The following PRX variants were observed in gnomAD, a reference collection of about 807,000 sequenced individuals.
PRX encodes the protein periaxin.
In PRX, 24 loss-of-function variants were observed where a neutral mutation model predicts 29.6. That is an observed-to-expected ratio of 0.81 (90% CI 0.59 to 1.14). The LOEUF (loss-of-function observed/expected upper bound fraction) is 1.14. Among genes scored for constraint, PRX ranks in the 50% most tolerant of loss-of-function variants. The pLI is 0.00. For missense variants in PRX, 1,838 were observed against 1,926.4 expected (o/e 0.95, Z 0.86); for synonymous variants, 772 against 831.7 (o/e 0.93, Z 1.24).
Position 40,396,375 on chromosome 19 carries a change from G to T in PRX, c.1977C>A (p.Leu659=), listed in dbSNP as rs774096350. Residue 659 remains leucine (L), a synonymous_variant, in exon 7 of 7, where the codon CTC becomes CTA. Transcript: ENST00000324001. ...VPDVHLPEVQ[L]PKVPEMKLPK... Reference sequence around the variant, plus strand: ...GGAGTTTCATCTCTGGGACTTTCGGGAGCTGCACTTCCGGGAGGTGCACAT... The same window carrying T: ...GGAGTTTCATCTCTGGGACTTTCGGTAGCTGCACTTCCGGGAGGTGCACAT... The T allele has an allele frequency of 6.3e-7, 1 of 1,584,186 alleles. No homozygotes were observed. Among genetic ancestry groups the T allele is most frequent in the Non-Finnish European group, 8.6e-7 (1 of 1,169,306 alleles).
rs779565946 is a variant in PRX, at chr19:40,394,344, C to T, written c.4008G>A (p.Val1336=). 7 of 1,606,374 alleles carry T rather than the reference C, an allele frequency of 4.4e-6. No individual in the cohort carries two copies. The highest frequency in any genetic ancestry group is 2.3e-5 in the East Asian group (1 of 44,414). Residue 1336 remains valine (V), a synonymous_variant, in exon 7 of 7, where the codon GTG becomes GTA. Coordinates refer to ENST00000324001, the MANE Select transcript of PRX (RefSeq NM_181882.3). This position sits in a 1 kb window ranked among gnomAD's most constrained non-coding sequence, Gnocchi z 5.8. ...TGACCATCTCACTTTGGCTGAAGCC[C>T]ACTCGGGGCAGCCTGAGTTTGGGGC... is the stretch of plus-strand genomic sequence containing the variant. ...AKSPKLRLPR[V]GFSQSEMVTG...
Position 40,394,316 on chromosome 19 carries a change from C to G in PRX, c.4036G>C (p.Gly1346Arg), listed in dbSNP as rs2079407936. 1.9e-6 allele frequency: 3 copies of G among 1,610,310 alleles called. No homozygotes were observed. The highest frequency in any genetic ancestry group is 4.5e-5 in the East Asian group (2 of 44,672). The change falls in exon 7 of 7, where the codon GGG (glycine) becomes CGG (arginine). Residue 1346 changes from glycine to arginine, a missense_variant. Coordinates refer to ENST00000324001, the MANE Select transcript of PRX (RefSeq NM_181882.3). The surrounding 1 kb of genome is among the most constrained non-coding windows in gnomAD (Gnocchi z 5.8). Reference protein sequence around the residue: ...VGFSQSEMVTGEGSPSPEEEE... With the variant: ...VGFSQSEMVTREGSPSPEEEE... ...TCCTCGGGGCTGGGGGACCCTTCCCCAGTGACCATCTCACTTTGGCTGAAG... is the reference window on the plus strand; with the variant it reads ...TCCTCGGGGCTGGGGGACCCTTCCCGAGTGACCATCTCACTTTGGCTGAAG...
Position 40,397,803 on chromosome 19 carries a change from A to G in PRX, c.549T>C (p.Pro183=), listed in dbSNP as rs992264738. ...GAGGCAGCTGGAGGCGCCGGCGGGC[A>G]GGGGCAGCCGGGACAGGACCCTTGA... ...EAVKGPVPAA[P]ARRRLQLPRL... Residue 183 remains proline, a synonymous_variant, in exon 7 of 7, where the codon CCT becomes CCC. Coordinates refer to ENST00000324001, the MANE Select transcript of PRX (RefSeq NM_181882.3). 1.3e-6 allele frequency: 2 copies of G among 1,581,882 alleles called. No homozygotes were observed. The highest frequency in any genetic ancestry group is 1.7e-6 in the Non-Finnish European group (2 of 1,164,826).
chr19:40,404,292 CG>C (rs1293334812), intron 4 of PRX, among the ~76,000 whole-genome samples: 1 of 151,922 alleles, frequency 6.6e-6, no homozygotes, highest in Non-Finnish European at 1.5e-5. Context: ...GAGCGGCAGC[CG>C]AAAGGGGTTA....
At chr19:40,414,064 A>AC (rs1368116693), upstream of PRX, among the ~76,000 whole-genome samples, 1 of 152,158 alleles carries the variant, frequency 6.6e-6, no homozygotes, top group Non-Finnish European at 1.5e-5. Context: ...CATACTAAGT[A>AC]CCATGCTCAG....
chr19:40,409,629 C>T (rs1237537148), intron 1 of PRX, among the ~76,000 whole-genome samples: 4 of 152,010 alleles, frequency 2.6e-5, no homozygotes, highest in East Asian at 1.9e-4. Context: ...CCCACCACCA[C>T]GCCTGGCTAC....
Position 40,398,816 on chromosome 19 carries a change from C to G in PRX, c.185G>C (p.Gly62Ala). 6.2e-7 allele frequency: 1 copy of G among 1,613,990 alleles called. No homozygotes were observed. Residue 62 changes from glycine to alanine, a missense_variant and splice_region_variant, in exon 6 of 7, where the codon GGG becomes GCG. Gly to Ala is a moderately conservative substitution (Grantham distance 60). Coordinates refer to ENST00000324001, the MANE Select transcript of PRX (RefSeq NM_181882.3). The surrounding 1 kb of genome is among the most constrained non-coding windows in gnomAD (Gnocchi z 6.3). The part of the protein sequence containing the change: ...PAARSLSLQE[G>A]DQLLSARVFF... ...CACTCGGGCACTCAGCAGCTGGTCC[C>G]CTGCGGGCGAGGTGGAGGTGCGCAG... is the stretch of plus-strand genomic sequence containing the variant.
At chr19:40,399,853 T>TTCTC (rs1162367595) in intron 5 of PRX, among the ~76,000 whole-genome samples, 45 of 60,586 alleles carry the variant, frequency 7.4e-4, no homozygotes, top group Non-Finnish European at 1.1e-3. Flanking sequence ...TTTCTTTCCT[T>TTCTC]TCTTTCTTTC....
chr19:40,401,836 C>T (rs1369373423), intron 5 of PRX, among the ~76,000 whole-genome samples: 1 of 150,702 alleles, frequency 6.6e-6, no homozygotes, highest in African/African-American at 2.4e-5. Context: ...GGCGCGAACT[C>T]GGCTTACTGC....
At chr19:40,400,210 G>A (rs1263200964) in intron 5 of PRX, among the ~76,000 whole-genome samples, 4 of 143,692 alleles carry the variant, frequency 2.8e-5, no homozygotes, top group Non-Finnish European at 6.0e-5. Flanking sequence ...TCGAACTCCC[G>A]ACGTCAGGTG....
chr19:40,403,985 G>A, intron 4 of PRX, 123 bp from the exon 5 acceptor site: 1 of 1,172,348 alleles, frequency 8.5e-7, no homozygotes, highest in Non-Finnish European at 1.2e-6. Context: ...AGACGGGGGT[G>A]GGGGACGGTC....
Position 40,397,567 on chromosome 19 carries a change from G to T in PRX, c.785C>A (p.Ala262Glu). ...CAGGTGGAGGGCAAAGCCACCAGCT[G>T]CCTCTGCTGAGGGGGCAGCCTTGGG... The part of the protein sequence containing the change: ...SAPKAAPSAE[A>E]AGGFALHLPT... The change falls in exon 7 of 7, where the codon GCA (alanine) becomes GAA (glutamate). Residue 262 changes from alanine to glutamate, a missense_variant. Physicochemically the swap from Ala to Glu is moderately radical, Grantham distance 107. Around this residue, in one of 3 missense-constraint regions of PRX, gnomAD observed 666 missense variants for 665.0 expected, o/e 1.00. Transcript: ENST00000324001. 1 of 1,541,170 alleles carries T rather than the reference G, an allele frequency of 6.5e-7. No individual in the cohort carries two copies.
upstream of PRX, among the ~76,000 whole-genome samples, chr19:40,414,635 A>G (rs945108531): frequency 6.6e-6 from 1 of 152,210 alleles, no homozygotes; most frequent in South Asian, 2.1e-4. Flanking sequence ...CTCCCAAGCC[A>G]AAGCTACCAG....
chr19:40,394,002 C>A lies in PRX; in HGVS notation c.4350G>T (p.Pro1450=). The A allele has an allele frequency of 1.2e-6, 2 of 1,613,494 alleles. No homozygotes were observed. The change falls in exon 7 of 7, where the codon CCG becomes CCT. Residue 1450 remains proline, a synonymous_variant. Transcript: ENST00000324001. This position sits in a 1 kb window ranked among gnomAD's most constrained non-coding sequence, Gnocchi z 5.8. ...VGFSETGAPG[P]ARMEGAQAAA... ...CAGCCTGAGCCCCCTCCATCCTGGCCGGGCCTGGAGCCCCTGTCTCTGAAA... is the reference window on the plus strand; with the variant it reads ...CAGCCTGAGCCCCCTCCATCCTGGCAGGGCCTGGAGCCCCTGTCTCTGAAA...
chr19:40,412,981 C>T (rs1013685411), intron 1 of PRX, among the ~76,000 whole-genome samples: 2 of 152,172 alleles, frequency 1.3e-5, no homozygotes, highest in African/African-American at 4.8e-5. Context: ...GCCGCCTCAG[C>T]CTCCCAAAGT....
chr19:40,403,943 T>A, intron 4 of PRX, 81 bp from the exon 5 acceptor site: 2 of 1,451,228 alleles, frequency 1.4e-6, no homozygotes, highest in African/African-American at 1.4e-5. Flanking sequence ...CAACAGTGGC[T>A]CATATACATA....
chr19:40,406,577 C>T (rs773514683), intron 4 of PRX, among the ~76,000 whole-genome samples: 4 of 152,036 alleles, frequency 2.6e-5, no homozygotes, highest in Non-Finnish European at 5.9e-5. Context: ...CTGCCTCTCG[C>T]CCCCAGTAGC....
Position 40,409,565 on chromosome 19 carries a change from T to C in PRX, c.-242-1182A>G, listed in dbSNP as rs1457271470. On this transcript the variant is annotated intron_variant, in intron 1 of 6. Transcript: ENST00000324001. Reference sequence around the variant, plus strand: ...TCGGCTTACTACAACCTCTGCCTCCTGGGTTCAAGTGATTCTCCTGCCTCA... The same window carrying C: ...TCGGCTTACTACAACCTCTGCCTCCCGGGTTCAAGTGATTCTCCTGCCTCA... Among the ~76,000 whole-genome samples the C allele has an allele frequency of 2.0e-5, 3 of 151,838 alleles. No homozygotes were observed. The East Asian group carries it at 5.8e-4, about 29-fold the overall frequency.
rs1359468067 is a variant in PRX at position 40,407,963 on chromosome 19, C to T, written c.-31G>A. 8.7e-6 allele frequency: 14 copies of T among 1,613,474 alleles called. No individual in the cohort carries two copies. Among genetic ancestry groups the T allele is most frequent in the East Asian group, 2.2e-5 (1 of 44,894 alleles). ...TGCTGGGAGGCACCTGCACCCCAGGCTCCTGTGTCCTCTCCCCTTTCTGCT... is the reference window on the plus strand; with the variant it reads ...TGCTGGGAGGCACCTGCACCCCAGGTTCCTGTGTCCTCTCCCCTTTCTGCT... On this transcript the variant is annotated 5_prime_UTR_variant, in exon 4 of 7. Transcript: ENST00000324001.
Sources: gnomAD v4.1 joint callset for allele counts (sites outside exome capture counted in the v4.1 genomes callset) on GRCh38, gnomAD v4.1.1 for gene constraint, gnomAD v4.1.1 regional missense constraint, Gnocchi (gnomAD v3.1) non-coding constraint, MANE v1.5 for transcripts, NCBI Gene and HGNC (gene_info 2026-07-23, HGNC 2026-07-21) for gene names.